TTC28: variants seen among roughly 807,000 people sequenced by gnomAD.
The protein encoded by TTC28 is tetratricopeptide repeat domain 28.
In TTC28, 61 loss-of-function variants were observed where a neutral mutation model predicts 198.0. The observed-to-expected ratio is 0.31, with a 90% CI of 0.25 to 0.38. TTC28 has a LOEUF of 0.38. Ranked by LOEUF, TTC28 falls within the 10% of genes least tolerant of loss-of-function variation. The pLI, the probability that TTC28 is intolerant of heterozygous loss-of-function variation, is 1.00. For missense variants in TTC28, 2,678 were observed against 3,164.0 expected (o/e 0.85, Z 3.69); for synonymous variants, 1,171 against 1,297.8 (o/e 0.90, Z 2.10).
chr22:28,643,344 C>T (rs1461166825), intron 1 of TTC28: 6 of 152,134 alleles, frequency 3.9e-5, no homozygotes, highest in Non-Finnish European at 8.8e-5. Context: ...TGTAGGCTGT[C>T]ATAAAGATAC....
At chr22:28,048,703 C>G (rs139080162) in intron 12 of TTC28, among the ~76,000 whole-genome samples, 1 of 152,102 alleles carries the variant, frequency 6.6e-6, no homozygotes, top group Non-Finnish European at 1.5e-5. Context: ...TAACACCAGT[C>G]TAGCTTTCAA....
chr22:28,096,043 G>A (rs1415060831), intron 11 of TTC28, 147 bp downstream of exon 11: 20 of 1,256,444 alleles, frequency 1.6e-5, no homozygotes, highest in East Asian at 2.7e-5. Context: ...CCCCACCACG[G>A]CATATCCACT....
At chr22:28,649,609 T>G (rs1355830620) in intron 1 of TTC28, among the ~76,000 whole-genome samples, 4 of 152,182 alleles carry the variant, frequency 2.6e-5, no homozygotes, top group Non-Finnish European at 5.9e-5. Context: ...AACATAATTG[T>G]GATATTCTAG....
chr22:28,427,479 C>T (rs1206877433), intron 2 of TTC28, among the ~76,000 whole-genome samples: 1 of 152,106 alleles, frequency 6.6e-6, no homozygotes, highest in Non-Finnish European at 1.5e-5. Flanking sequence ...GGCGAAACCC[C>T]GTCTCTACTA....
At chr22:28,231,416 G>C (rs1187259450) in intron 5 of TTC28, among the ~76,000 whole-genome samples, 1 of 152,190 alleles carries the variant, frequency 6.6e-6, no homozygotes, top group Non-Finnish European at 1.5e-5. Flanking sequence ...GCAGGGGATT[G>C]AGCCTGGAGT....
chr22:28,117,948 T>G (rs1462183578), intron 6 of TTC28, among the ~76,000 whole-genome samples: 1 of 152,192 alleles, frequency 6.6e-6, no homozygotes. Flanking sequence ...TATAATTGGA[T>G]TATTTGTCAC....
At chr22:28,172,566 T>A (rs1328745191) in intron 5 of TTC28, among the ~76,000 whole-genome samples, 1 of 152,210 alleles carries the variant, frequency 6.6e-6, no homozygotes, top group Non-Finnish European at 1.5e-5. Context: ...ACATAGGAGC[T>A]GCTTACTAAA....
intron 13 of TTC28, among the ~76,000 whole-genome samples, chr22:28,025,001 A>G (rs1003894521): frequency 1.3e-5 from 2 of 152,300 alleles, no homozygotes; most frequent in Middle Eastern, 3.4e-3. Context: ...GGGGAAAGAG[A>G]TGCAGGACCC....
intron 12 of TTC28, among the ~76,000 whole-genome samples, chr22:28,067,142 T>C (rs1194040566): frequency 6.6e-6 from 1 of 152,200 alleles, no homozygotes; most frequent in Admixed American, 6.5e-5. Flanking sequence ...TCCTCCTGCT[T>C]TTCAGGTATT....
At chr22:28,274,934 G>A (rs529419034) in intron 5 of TTC28, among the ~76,000 whole-genome samples, 124 of 143,054 alleles carry the variant, frequency 8.7e-4, no homozygotes, top group Middle Eastern at 4.1e-3. Flanking sequence ...AGCTGAGATC[G>A]CGCCACTGCA....
chr22:28,309,650 T>A (rs1243294099), intron 2 of TTC28, among the ~76,000 whole-genome samples: 1 of 152,200 alleles, frequency 6.6e-6, no homozygotes, highest in Non-Finnish European at 1.5e-5. Flanking sequence ...AACTTATATA[T>A]ACGGACGCAG....
At chr22:28,532,544 C>T (rs2049163675) in intron 2 of TTC28, among the ~76,000 whole-genome samples, 1 of 152,218 alleles carries the variant, frequency 6.6e-6, no homozygotes, top group South Asian at 2.1e-4. Context: ...GCAATCCTCC[C>T]TAACTCATTT....
chr22:28,191,815 C>T (rs903912141), intron 5 of TTC28, among the ~76,000 whole-genome samples: 2 of 152,218 alleles, frequency 1.3e-5, no homozygotes, highest in Non-Finnish European at 2.9e-5. Context: ...GTGGAGCCCA[C>T]TGCAGCTCAA....
intron 12 of TTC28, among the ~76,000 whole-genome samples, chr22:28,062,541 C>T (rs1462856480): frequency 6.6e-6 from 1 of 151,026 alleles, no homozygotes; most frequent in Non-Finnish European, 1.5e-5. Context: ...GCCATCGTAG[C>T]TCACTGTAGA....
intron 5 of TTC28, among the ~76,000 whole-genome samples, chr22:28,220,877 G>A (rs890275735): frequency 1.3e-5 from 2 of 152,104 alleles, no homozygotes; most frequent in Non-Finnish European, 2.9e-5. Context: ...GGAAAAATTT[G>A]AAACAAGCCA....
chr22:28,171,623 A>C (rs1322173690), intron 5 of TTC28, among the ~76,000 whole-genome samples: 1 of 47,352 alleles, frequency 2.1e-5, no homozygotes, highest in Admixed American at 1.8e-4. Context: ...GCATATTTGC[A>C]AAAAAAAAAA....
At chr22:28,097,723 A>T (rs1942018748) in intron 10 of TTC28, among the ~76,000 whole-genome samples, 1 of 152,240 alleles carries the variant, frequency 6.6e-6, no homozygotes, top group Non-Finnish European at 1.5e-5. Context: ...CTGTGACAGC[A>T]CTTCAAGGAT....
chr22:28,047,778 T>C (rs1046794147), intron 12 of TTC28, among the ~76,000 whole-genome samples: 4 of 152,282 alleles, frequency 2.6e-5, no homozygotes, highest in Admixed American at 2.6e-4. Flanking sequence ...GGCTGCTGCA[T>C]ATGACCATAT....
chr22:28,553,915 G>A (rs1166658623), intron 2 of TTC28, among the ~76,000 whole-genome samples: 1 of 152,268 alleles, frequency 6.6e-6, no homozygotes, highest in Non-Finnish European at 1.5e-5. Flanking sequence ...GACAGTGGCA[G>A]TTTTGTGGAA....
Sources: gnomAD v4.1 joint callset for allele counts (sites outside exome capture counted in the v4.1 genomes callset) on GRCh38, gnomAD v4.1.1 for gene constraint, MANE v1.5 for transcripts, NCBI Gene and HGNC (gene_info 2026-07-23, HGNC 2026-07-21) for gene names.